GDAP1: variants seen among roughly 807,000 people sequenced by gnomAD.
GDAP1 encodes ganglioside induced differentiation associated protein 1.
GDAP1 carries 34 observed loss-of-function variants against 40.1 expected under a neutral mutation model. The observed-to-expected ratio is 0.85, with a 90% CI of 0.64 to 1.13. The LOEUF is 1.13. Ranked by LOEUF, GDAP1 falls within the 50% of genes most tolerant of loss-of-function variation. The pLI is 0.00. For missense variants in GDAP1, 374 were observed against 433.7 expected, an observed-to-expected ratio of 0.86 and a Z score of 1.22; for synonymous variants, 170 against 157.4, an observed-to-expected ratio of 1.08 and a Z score of -0.60.
rs574737388 is a variant in GDAP1 at position 74,436,252 on chromosome 8, A to G, written c.166-52426A>G. On this transcript the variant is annotated intron_variant, in intron 2 of 2. Coordinates refer to the GDAP1 transcript ENST00000523640. ...GAGTTAAAAGAATATATTCGACCCA[A>G]GCTGGACCAATGCTGTATCCTAGGA... is the stretch of plus-strand genomic sequence containing the variant. Among the ~76,000 whole-genome samples the G allele has an allele frequency of 3.5e-4, 53 of 152,276 alleles. No individual in the cohort carries two copies. In the South Asian group the frequency reaches 3.5e-3, roughly 10 times the overall value.
intron 2 of GDAP1, among the ~76,000 whole-genome samples, chr8:74,480,190 A>G (rs1806693073): frequency 1.3e-5 from 2 of 151,896 alleles, no homozygotes; most frequent in Admixed American, 6.6e-5. Context: ...GAGTTTCACC[A>G]TGTGAGCCAG....
At chr8:74,423,125 A>C (rs867488306) in intron 2 of GDAP1, among the ~76,000 whole-genome samples, 27 of 147,474 alleles carry the variant, frequency 1.8e-4, no homozygotes, top group Middle Eastern at 3.3e-3. Context: ...TAACATCATC[A>C]ATTCATCTAT....
chr8:74,415,340 A>C (rs929885317), intron 2 of GDAP1, among the ~76,000 whole-genome samples: 1 of 150,292 alleles, frequency 6.7e-6, no homozygotes, highest in Non-Finnish European at 1.5e-5. Context: ...ATAGAAGAAA[A>C]GCATGAAACT....
chr8:74,396,764 A>G (rs1047489917), intron 2 of GDAP1, among the ~76,000 whole-genome samples: 35 of 152,298 alleles, frequency 2.3e-4, no homozygotes, highest in African/African-American at 8.2e-4. Context: ...ATTGTTGGAC[A>G]TTTGGGTTGG....
intron 2 of GDAP1, among the ~76,000 whole-genome samples, chr8:74,386,645 T>G (rs904644803): frequency 2.0e-5 from 3 of 152,204 alleles, no homozygotes; most frequent in African/African-American, 7.2e-5. Context: ...TTGCTTTTGC[T>G]TGTGATTGTC....
chr8:74,482,906 T>C (rs1035967979), intron 2 of GDAP1, among the ~76,000 whole-genome samples: 8 of 152,320 alleles, frequency 5.3e-5, no homozygotes, highest in Non-Finnish European at 1.2e-4. Context: ...CAAATGCTCA[T>C]AGAGGCAGTA....
At chr8:74,389,135 T>G (rs914123320) in intron 2 of GDAP1, among the ~76,000 whole-genome samples, 35 of 152,306 alleles carry the variant, frequency 2.3e-4, no homozygotes, top group African/African-American at 8.2e-4. Flanking sequence ...CTTTATCTAA[T>G]GTGCCAGTCT....
At chr8:74,395,487 A>T (rs569897810) in intron 2 of GDAP1, among the ~76,000 whole-genome samples, 1 of 152,318 alleles carries the variant, frequency 6.6e-6, no homozygotes, top group Admixed American at 6.5e-5. Flanking sequence ...CCCTTTGTAT[A>T]AAAGACAACT....
At chr8:74,475,734 G>A (rs1806621041) in intron 2 of GDAP1, among the ~76,000 whole-genome samples, 2 of 152,090 alleles carry the variant, frequency 1.3e-5, no homozygotes. Context: ...GTACCATGTG[G>A]CAATGAGAAG....
chr8:74,479,986 C>CTTT (rs71271807), intron 2 of GDAP1, among the ~76,000 whole-genome samples: 75 of 102,932 alleles, frequency 7.3e-4, no homozygotes, highest in African/African-American at 3.0e-3. Flanking sequence ...AATGGACTCT[C>CTTT]TTTTTTTTTT....
chr8:74,369,621 G>C (rs555767168), downstream of GDAP1, among the ~76,000 whole-genome samples: 1 of 83,554 alleles, frequency 1.2e-5, no homozygotes, highest in East Asian at 3.2e-4. Context: ...AGGAAATTGT[G>C]TGTGTGTGTG....
At chr8:74,352,800 T>A (rs16938887) in intron 2 of GDAP1, among the ~76,000 whole-genome samples, 28,594 of 152,162 alleles carry the variant, frequency 0.19, 2,963 homozygotes, top group Admixed American at 0.31. Flanking sequence ...AATGGATAAG[T>A]GTGTTAATTT....
intron 2 of GDAP1, among the ~76,000 whole-genome samples, chr8:74,418,936 G>A (rs1250160603): frequency 3.9e-5 from 6 of 152,134 alleles, no homozygotes; most frequent in East Asian, 1.9e-4. Context: ...TAGTTATTTA[G>A]CATCATTAAT....
chr8:74,471,602 A>G (rs1586845444), intron 2 of GDAP1, among the ~76,000 whole-genome samples: 1 of 152,166 alleles, frequency 6.6e-6, no homozygotes. Context: ...ACATGTATCT[A>G]CATATACTGG....
At chr8:74,386,826 A>G (rs1810032630) in intron 2 of GDAP1, among the ~76,000 whole-genome samples, 2 of 152,114 alleles carry the variant, frequency 1.3e-5, no homozygotes. Flanking sequence ...AGCATGGAAT[A>G]TTTTTCCACT....
chr8:74,416,212 G>C (rs575416163), intron 2 of GDAP1, among the ~76,000 whole-genome samples: 45 of 149,844 alleles, frequency 3.0e-4, no homozygotes, highest in Non-Finnish European at 4.9e-4. Context: ...GGACTTGCCC[G>C]ACCCAGCCCC....
intron 2 of GDAP1, among the ~76,000 whole-genome samples, chr8:74,469,173 A>G (rs1263390897): frequency 1.3e-5 from 2 of 152,154 alleles, no homozygotes; most frequent in South Asian, 4.1e-4. Context: ...TACTGCTAAA[A>G]TAACACATAG....
At chr8:74,462,958 G>A (rs1309329527) in intron 2 of GDAP1, among the ~76,000 whole-genome samples, 1 of 150,256 alleles carries the variant, frequency 6.7e-6, no homozygotes, top group East Asian at 2.0e-4. Flanking sequence ...CAAGTGCAAA[G>A]GGAAAAGTTT....
chr8:74,453,015 T>C (rs1806304387), intron 2 of GDAP1, among the ~76,000 whole-genome samples: 1 of 83,500 alleles, frequency 1.2e-5, no homozygotes, highest in Admixed American at 1.2e-4. Context: ...TTTGGTTTTG[T>C]TGTTAGTCGT....
Sources: gnomAD v4.1 joint callset for allele counts (sites outside exome capture counted in the v4.1 genomes callset) on GRCh38, gnomAD v4.1.1 for gene constraint, MANE v1.5 for transcripts, NCBI Gene and HGNC (gene_info 2026-07-23, HGNC 2026-07-21) for gene names.